The following MACF1 variants were observed in gnomAD, a reference collection of about 807,000 sequenced individuals.
The protein encoded by MACF1 is microtubule-actin cross-linking factor 1.
In MACF1, 193 loss-of-function variants were observed where a neutral mutation model predicts 854.8. The ratio of observed to expected loss-of-function variants is 0.23; its 90% CI spans 0.20 to 0.25. The LOEUF is 0.25. MACF1 is among the 10% of genes least tolerant of loss of function. MACF1 has a pLI of 1.00. For missense variants in MACF1, 7,722 were observed against 8,929.1 expected (o/e 0.86, Z 5.45); for synonymous variants, 3,185 against 3,226.7 (o/e 0.99, Z 0.44).
intron 2 of MACF1, among the ~76,000 whole-genome samples, chr1:39,161,643 G>A (rs1013224057): frequency 3.3e-5 from 5 of 152,008 alleles, no homozygotes; most frequent in African/African-American, 4.8e-5. Flanking sequence ...GAGGCGGGCG[G>A]ATCACAACGT....
At position 39,387,791 on chromosome 1, in the gene MACF1, G is replaced by A. The variant is rs760133343; in HGVS notation, c.14949G>A (p.Glu4983=). Reference sequence around the variant, plus strand: ...CAGATGAGGATGGAATCCGGGATGAGAAGGCTGGGATCAACCAGAACATGG... The same window carrying A: ...CAGATGAGGATGGAATCCGGGATGAAAAGGCTGGGATCAACCAGAACATGG... The part of the protein sequence containing the change: ...SEADEDGIRD[E]KAGINQNMDA... The change falls in exon 58 of 101, where the codon GAG becomes GAA. Residue 4983 remains glutamate (E), a synonymous_variant. Coordinates refer to ENST00000564288, the MANE Select transcript of MACF1 (RefSeq NM_001394062.1). 3.1e-6 allele frequency: 5 copies of A among 1,614,186 alleles called. No individual in the cohort carries two copies. Among genetic ancestry groups the A allele is most frequent in the Non-Finnish European group, 3.4e-6 (4 of 1,180,040 alleles).
intron 58 of MACF1, among the ~76,000 whole-genome samples, chr1:39,393,846 G>GGA (rs10652572): frequency 0.28 from 39,542 of 140,494 alleles, 5,488 homozygotes; most frequent in East Asian, 0.33. Context: ...AGGGAGGGAG[G>GGA]GAGAGAGAGA....
At chr1:39,376,899 TA>T (rs1389292578) in intron 52 of MACF1, among the ~76,000 whole-genome samples, 3 of 151,926 alleles carry the variant, frequency 2.0e-5, no homozygotes, top group East Asian at 1.9e-4. Flanking sequence ...TTTTTTTTAA[TA>T]TTTTTTTGTA....
intron 24 of MACF1, 50 bp from the exon 25 acceptor site, chr1:39,310,195 A>C (rs1287432313): frequency 7.0e-7 from 1 of 1,421,308 alleles, no homozygotes; most frequent in Non-Finnish European, 9.6e-7. Flanking sequence ...GAAAAGAGGA[A>C]GTGTTACATT....
At chr1:39,087,880 C>G (rs1641712985) in intron 2 of MACF1, among the ~76,000 whole-genome samples, 1 of 151,726 alleles carries the variant, frequency 6.6e-6, no homozygotes, top group African/African-American at 2.4e-5. Context: ...TCAAGCAATT[C>G]TTCTGCCTCA....
intron 6 of MACF1, chr1:39,269,050 C>A (rs1645271415): frequency 7.8e-7 from 1 of 1,289,510 alleles, no homozygotes; most frequent in Admixed American, 2.3e-5. Flanking sequence ...GAGGTCCAGA[C>A]CGCCCACCTT....
At chr1:39,451,280 A>G (rs1644336687) in intron 85 of MACF1, 69 bp downstream of exon 85, 4 of 1,436,016 alleles carry the variant, frequency 2.8e-6, no homozygotes, top group South Asian at 1.4e-5. Flanking sequence ...AGGGTCTTCT[A>G]CATATGACTG....
At chr1:39,393,793 T>G (rs554009125) in intron 58 of MACF1, among the ~76,000 whole-genome samples, 2 of 120,162 alleles carry the variant, frequency 1.7e-5, no homozygotes, top group African/African-American at 3.7e-5. Context: ...TGTAACAGAG[T>G]GAGACCCTGT....
chr1:39,391,717 G>C (rs1007892981), intron 58 of MACF1, among the ~76,000 whole-genome samples: 4 of 152,174 alleles, frequency 2.6e-5, no homozygotes, highest in African/African-American at 7.2e-5. Flanking sequence ...TTTTGATGTT[G>C]CTGGAAGATT....
chr1:39,088,749 T>C (rs1641735789), intron 2 of MACF1, among the ~76,000 whole-genome samples: 1 of 152,106 alleles, frequency 6.6e-6, no homozygotes, highest in South Asian at 2.1e-4. Flanking sequence ...GTGGGGAGTA[T>C]ATTGAGAACA....
intron 49 of MACF1, among the ~76,000 whole-genome samples, chr1:39,365,067 C>T (rs1648571961): frequency 1.3e-5 from 2 of 151,846 alleles, no homozygotes; most frequent in Admixed American, 1.3e-4. Flanking sequence ...TGAAATGCTC[C>T]AAAATCTGAA....
rs1199093701 is a variant in MACF1, at chr1:39,283,002, CA to C, written c.696-186del. ...ACCTAAACTGTATGTTTAAGTTTAG[CA>C]TTAGGGAGCACTGGGCCCCTGGTGT... On this transcript the variant is annotated intron_variant, in intron 7 of 100. Coordinates refer to ENST00000564288, the MANE Select transcript of MACF1 (RefSeq NM_001394062.1). The surrounding 1 kb of genome is among the most constrained non-coding windows in gnomAD (Gnocchi z 4.5). The C allele has an allele frequency of 5.4e-5, 30 of 550,866 alleles. No individual in the cohort carries two copies. Among genetic ancestry groups the C allele is most frequent in the Non-Finnish European group, 6.7e-5 (21 of 311,428 alleles). 34.1% of individuals were successfully genotyped at this position (550,866 alleles called of 1,614,324 possible).
At chr1:39,477,067 A>ATATATACACTTAGTG (rs1644904762) in intron 97 of MACF1, among the ~76,000 whole-genome samples, 1 of 15,450 alleles carries the variant, frequency 6.5e-5, no homozygotes, top group Admixed American at 7.7e-4. Context: ...ATATATATAT[A>ATATATACACTTAGTG]TATATATATA....
intron 40 of MACF1, among the ~76,000 whole-genome samples, chr1:39,341,196 G>A (rs902956846): frequency 6.6e-6 from 1 of 151,438 alleles, no homozygotes; most frequent in South Asian, 2.1e-4. Flanking sequence ...TCCACGCCCG[G>A]CTCATTTTTG....
At chr1:39,186,342 C>T (rs1644173884) in intron 2 of MACF1, among the ~76,000 whole-genome samples, 1 of 151,060 alleles carries the variant, frequency 6.6e-6, no homozygotes, top group Non-Finnish European at 1.5e-5. Context: ...GCTCGGCTCA[C>T]TGCAACCACC....
At chr1:39,150,689 C>G (rs1342609289) in intron 2 of MACF1, among the ~76,000 whole-genome samples, 1 of 152,160 alleles carries the variant, frequency 6.6e-6, no homozygotes, top group Admixed American at 6.5e-5. Flanking sequence ...CACCAGTCAC[C>G]TCCTAATTGC....
intron 58 of MACF1, among the ~76,000 whole-genome samples, chr1:39,415,258 C>T (rs1370277357): frequency 6.6e-6 from 1 of 151,918 alleles, no homozygotes; most frequent in Non-Finnish European, 1.5e-5. Flanking sequence ...TTTCCAGGAC[C>T]TCATTTCTTC....
chr1:39,188,012 C>T (rs1269745836), intron 2 of MACF1, among the ~76,000 whole-genome samples: 2 of 128,574 alleles, frequency 1.6e-5, no homozygotes, highest in African/African-American at 5.7e-5. Flanking sequence ...CCTTCCCTTT[C>T]TTTTCTTTTT....
At position 39,347,182 on chromosome 1, in the gene MACF1, A is replaced by T. The variant is rs777503732; in HGVS notation, c.10787A>T (p.Gln3596Leu). The T allele has an allele frequency of 6.2e-7, 1 of 1,613,912 alleles. No individual in the cohort carries two copies. Among genetic ancestry groups the T allele is most frequent in the Non-Finnish European group, 8.5e-7 (1 of 1,179,882 alleles). ...GTGGATGCCTTGCAGGGCCATCTTCAACAAATGGAGCAGGAAGCCCTGGTG... is the reference window on the plus strand; with the variant it reads ...GTGGATGCCTTGCAGGGCCATCTTCTACAAATGGAGCAGGAAGCCCTGGTG... ...AQVDALQGHL[Q>L]QMEQEALVKT... The change falls in exon 41 of 101, where the codon CAA (glutamine) becomes CTA (leucine). Residue 3596 changes from glutamine (Q) to leucine (L), a missense_variant. This residue lies in a region of MACF1 where 854 missense variants were observed against 852.6 expected (regional missense o/e 1.00). Coordinates refer to ENST00000564288, the MANE Select transcript of MACF1 (RefSeq NM_001394062.1).
Sources: allele counts gnomAD v4.1 joint callset (sites outside exome capture counted in the v4.1 genomes callset), GRCh38; gene constraint gnomAD v4.1.1; regional missense constraint gnomAD v4.1.1; non-coding constraint Gnocchi (gnomAD v3.1); transcripts MANE v1.5; gene names NCBI Gene and HGNC (gene_info 2026-07-23, HGNC 2026-07-21).